ADCY8: variants seen among roughly 807,000 people sequenced by gnomAD.
The protein encoded by ADCY8 is adenylate cyclase 8.
In ADCY8, 51 loss-of-function variants were observed where a neutral mutation model predicts 119.7. That is an observed-to-expected ratio of 0.43 (90% CI 0.34 to 0.54). The LOEUF (loss-of-function observed/expected upper bound fraction) is 0.54. Ranked by LOEUF, ADCY8 falls within the 20% of genes least tolerant of loss-of-function variation. ADCY8 has a pLI of 0.03. For synonymous variants in ADCY8, 665 were observed against 651.0 expected (o/e 1.02, Z -0.33); for missense variants, 1,383 against 1,598.8 (o/e 0.87, Z 2.30).
In ADCY8 at chr8:130,787,764, C is replaced by A. The variant is rs546147189; in HGVS notation, c.3061-2289G>T. ...TGTGTGTTGTTTTCATGCCTGTGTC[C>A]ACATGTATGTGTGCCTGTGTGTGGG... On this transcript the variant is annotated intron_variant, in intron 15 of 17. Transcript: ENST00000286355. Among the ~76,000 whole-genome samples the A allele has an allele frequency of 1.8e-4, 27 of 149,988 alleles. No individual in the cohort carries two copies. In the South Asian group the frequency reaches 3.2e-3, roughly 18 times the overall value.
intron 1 of ADCY8, among the ~76,000 whole-genome samples, chr8:131,013,999 G>C (rs1325103855): frequency 6.6e-6 from 1 of 152,158 alleles, no homozygotes; most frequent in Non-Finnish European, 1.5e-5. Flanking sequence ...TACAAATTGA[G>C]TAGCCCCACT....
Position 130,896,999 on chromosome 8 carries a change from G to A in ADCY8, c.1911+6773C>T, listed in dbSNP as rs577520024. Among the ~76,000 whole-genome samples the A allele has an allele frequency of 2.0e-5, 3 of 152,218 alleles. No individual in the cohort carries two copies. The South Asian group carries it at 6.2e-4, about 32-fold the overall frequency. ...CCAGTTTTGCTATTGTTCAAATGAG[G>A]ACACCGAGCCTTGGAGGGGAGAAGT... On this transcript the variant is annotated intron_variant, in intron 7 of 17. Transcript: ENST00000286355.
intron 2 of ADCY8, among the ~76,000 whole-genome samples, chr8:130,966,405 G>C (rs1821762655): frequency 6.6e-6 from 1 of 152,104 alleles, no homozygotes; most frequent in Admixed American, 6.5e-5. Flanking sequence ...TTTATTATGG[G>C]GGTCACTGTT....
intron 12 of ADCY8, among the ~76,000 whole-genome samples, chr8:130,826,094 T>C (rs980903501): frequency 3.9e-5 from 6 of 152,200 alleles, no homozygotes; most frequent in African/African-American, 1.4e-4. Context: ...ACATTGAACA[T>C]GGTTGGCATA....
In ADCY8 at chr8:131,040,302, C is replaced by A; in HGVS notation, c.32G>T (p.Gly11Val). The part of the protein sequence containing the change: MELSDVRCLT[G>V]SEELYTIHPT... ...GTGGATGGTGTAGAGTTCCTCGCTG[C>A]CTGTAAGGCAGCGCACATCGGAGAG... The change falls in exon 1 of 18, where the codon GGC becomes GTC. Residue 11 changes from glycine to valine, a missense_variant. Physicochemically the swap from Gly to Val is moderately radical, Grantham distance 109. This residue lies in a region of ADCY8 where 455 missense variants were observed against 435.3 expected (regional missense o/e 1.05). Coordinates refer to ENST00000286355, the MANE Select transcript of ADCY8 (RefSeq NM_001115.3). 1 of 1,544,064 alleles carries A rather than the reference C, an allele frequency of 6.5e-7. No homozygotes were observed. The highest frequency in any genetic ancestry group is 1.2e-5 in the South Asian group (1 of 85,116).
intron 13 of ADCY8, among the ~76,000 whole-genome samples, chr8:130,817,277 T>C (rs1249309338): frequency 6.6e-6 from 1 of 152,224 alleles, no homozygotes; most frequent in African/African-American, 2.4e-5. Context: ...GTCCTCACTA[T>C]GAAGTGGAAG....
chr8:130,825,709 G>C (rs904611103), intron 12 of ADCY8, among the ~76,000 whole-genome samples: 3 of 152,218 alleles, frequency 2.0e-5, no homozygotes, highest in South Asian at 2.1e-4. Flanking sequence ...GGCACTTGAG[G>C]ATGGAAATCT....
At chr8:130,896,706 T>C (rs1048260847) in intron 7 of ADCY8, among the ~76,000 whole-genome samples, 1 of 152,164 alleles carries the variant, frequency 6.6e-6, no homozygotes, top group African/African-American at 2.4e-5. Flanking sequence ...TCAAATACTT[T>C]TTAATTTTTT....
intron 1 of ADCY8, among the ~76,000 whole-genome samples, chr8:131,012,427 A>G (rs1244897496): frequency 6.6e-6 from 1 of 152,180 alleles, no homozygotes; most frequent in Admixed American, 6.6e-5. Context: ...AATTTGTCCC[A>G]CTAATCTTCC....
At chr8:130,781,629 A>T (rs1815082649) in intron 17 of ADCY8, among the ~76,000 whole-genome samples, 1 of 152,080 alleles carries the variant, frequency 6.6e-6, no homozygotes, top group Admixed American at 6.5e-5. Flanking sequence ...TTCACACTGA[A>T]CTGCTGGAGT....
chr8:131,002,953 C>A (rs1586646857), intron 1 of ADCY8, among the ~76,000 whole-genome samples: 1 of 152,228 alleles, frequency 6.6e-6, no homozygotes, highest in African/African-American at 2.4e-5. Context: ...TGCATCCCAG[C>A]ACTTTGGATG....
chr8:130,991,452 A>G (rs1244377620), intron 1 of ADCY8, among the ~76,000 whole-genome samples: 3 of 152,258 alleles, frequency 2.0e-5, no homozygotes, highest in Admixed American at 1.3e-4. Flanking sequence ...ATAACCTCTT[A>G]TCTGAACCAC....
intron 1 of ADCY8, among the ~76,000 whole-genome samples, chr8:131,019,829 C>CTCTCTG (rs1563770564): frequency 8.4e-6 from 1 of 119,220 alleles, no homozygotes; most frequent in Admixed American, 8.3e-5. Context: ...CTCTCTCTCT[C>CTCTCTG]TCTCTCTCTG....
In ADCY8 at chr8:130,867,947, C is replaced by T. The variant is rs773913454; in HGVS notation, c.2110-1G>A. On this transcript the variant is annotated splice_acceptor_variant, in intron 8 of 17. Coordinates refer to ENST00000286355, the MANE Select transcript of ADCY8 (RefSeq NM_001115.3). LOFTEE classifies it high-confidence loss of function. ...ACACTTCATCCCTCATTTGAGAATA[C>T]TGTAATTAAAAAAAGAGAGAATGAG... 2.5e-6 allele frequency: 4 copies of T among 1,599,310 alleles called. No individual in the cohort carries two copies. The highest frequency in any genetic ancestry group is 3.4e-6 in the Non-Finnish European group (4 of 1,170,012).
At chr8:130,886,188 C>G (rs1381464164) in intron 7 of ADCY8, among the ~76,000 whole-genome samples, 1 of 152,068 alleles carries the variant, frequency 6.6e-6, no homozygotes, top group Non-Finnish European at 1.5e-5. Flanking sequence ...CTCATCACGG[C>G]TAGACTTTAC....
chr8:130,918,635 A>G (rs917564094), intron 5 of ADCY8, among the ~76,000 whole-genome samples: 1 of 152,258 alleles, frequency 6.6e-6, no homozygotes, highest in Non-Finnish European at 1.5e-5. Flanking sequence ...TTAGATGTCA[A>G]CTTAGAACTG....
At chr8:130,879,982 C>T (rs891474994) in intron 8 of ADCY8, among the ~76,000 whole-genome samples, 5 of 152,190 alleles carry the variant, frequency 3.3e-5, no homozygotes, top group East Asian at 3.9e-4. Context: ...ATGCGATTCT[C>T]GTGATAGTGA....
intron 4 of ADCY8, among the ~76,000 whole-genome samples, chr8:130,938,052 T>C (rs142730185): frequency 2.0e-4 from 31 of 152,326 alleles, no homozygotes; most frequent in African/African-American, 7.5e-4. Context: ...CTAGATGTTA[T>C]AGGTTCTAGT....
chr8:130,931,104 G>A (rs902186263), intron 5 of ADCY8, among the ~76,000 whole-genome samples: 6 of 152,046 alleles, frequency 3.9e-5, no homozygotes, highest in Non-Finnish European at 7.4e-5. Flanking sequence ...TTCCTTTAGC[G>A]TTTCTTATAA....
Sources: allele counts gnomAD v4.1 joint callset (sites outside exome capture counted in the v4.1 genomes callset), GRCh38; gene constraint gnomAD v4.1.1; regional missense constraint gnomAD v4.1.1; transcripts MANE v1.5; gene names NCBI Gene and HGNC (gene_info 2026-07-23, HGNC 2026-07-21).